PIK3CD: variants seen among roughly 807,000 people sequenced by gnomAD.
PIK3CD encodes phosphatidylinositol-4,5-bisphosphate 3-kinase catalytic subunit delta, also known as phosphatidylinositol 4,5-bisphosphate 3-kinase catalytic subunit delta isoform.
Under a neutral mutation model 122.9 loss-of-function variants are expected in PIK3CD, and 20 were observed. That is an observed-to-expected ratio of 0.16 (90% CI 0.11 to 0.24). The LOEUF (loss-of-function observed/expected upper bound fraction) is 0.24, where lower values mean the gene tolerates loss of function less well. PIK3CD is among the 10% of genes least tolerant of loss of function. The pLI is 1.00. For missense variants in PIK3CD, 787 were observed against 1,406.3 expected (o/e 0.56, Z 7.04); for synonymous variants, 596 against 593.4 (o/e 1.00, Z -0.06).
intron 1 of PIK3CD, chr1:9,680,946 T>C (rs538659745): frequency 2.6e-5 from 4 of 152,310 alleles, no homozygotes; most frequent in African/African-American, 9.6e-5. Flanking sequence ...GAGGCTGCCA[T>C]TGAGCTTTCA....
At chr1:9,714,667 G>C (rs1363558705) in intron 3 of PIK3CD, among the ~76,000 whole-genome samples, 1 of 152,086 alleles carries the variant, frequency 6.6e-6, no homozygotes, top group East Asian at 1.9e-4. Context: ...CCCACTGCTT[G>C]ACAGACCATA....
chr1:9,672,372 G>A (rs1645356799), intron 1 of PIK3CD: 1 of 152,110 alleles, frequency 6.6e-6, no homozygotes, highest in Non-Finnish European at 1.5e-5. Flanking sequence ...ATGTGGATTA[G>A]TACCAAAGAG....
chr1:9,633,107 C>T, the PIK3CD span, among the ~76,000 whole-genome samples: 9 of 152,066 alleles, frequency 5.9e-5, no homozygotes, highest in Non-Finnish European at 1.2e-4. Context: ...GTGATCCGCC[C>T]GCCTCGGCCT....
intron 1 of PIK3CD, chr1:9,672,293 G>A (rs1645353496): frequency 6.6e-6 from 1 of 152,246 alleles, no homozygotes; most frequent in African/African-American, 2.4e-5. Flanking sequence ...TGGGTGCTCT[G>A]GGAAGATGTT....
intron 1 of PIK3CD, among the ~76,000 whole-genome samples, chr1:9,664,336 A>C (rs1645098723): frequency 6.6e-6 from 1 of 152,178 alleles, no homozygotes; most frequent in Admixed American, 6.6e-5. Context: ...GGCGTGAACC[A>C]CTGCACCCAG....
intron 1 of PIK3CD, among the ~76,000 whole-genome samples, chr1:9,668,469 CTTTATT>C (rs1304851729): frequency 3.4e-5 from 5 of 144,990 alleles, no homozygotes; most frequent in East Asian, 2.0e-4. Flanking sequence ...TTGGCAAATA[CTTTATT>C]TTTATTTTTA....
At chr1:9,667,445 C>A (rs538884236) in intron 1 of PIK3CD, among the ~76,000 whole-genome samples, 1 of 151,358 alleles carries the variant, frequency 6.6e-6, no homozygotes, top group Non-Finnish European at 1.5e-5. Context: ...GGCGCAATCT[C>A]GACTCACTGC....
chr1:9,650,648 G>T (rs1393331861), upstream of PIK3CD, among the ~76,000 whole-genome samples: 2 of 151,664 alleles, frequency 1.3e-5, no homozygotes, highest in Non-Finnish European at 2.9e-5. Context: ...AAAAGAAAAA[G>T]AAAGAAAAGA....
At chr1:9,666,087 C>T (rs964381157) in intron 1 of PIK3CD, among the ~76,000 whole-genome samples, 6 of 151,932 alleles carry the variant, frequency 3.9e-5, no homozygotes, top group African/African-American at 1.5e-4. Context: ...CCATCATACC[C>T]TGCTAATTTT....
chr1:9,713,427 TC>T (rs1343780790), intron 3 of PIK3CD, among the ~76,000 whole-genome samples: 2 of 152,156 alleles, frequency 1.3e-5, no homozygotes, highest in Non-Finnish European at 2.9e-5. Context: ...TTACCTCTGA[TC>T]CAGCCATATG....
At chr1:9,659,705 T>TCTCCTG (rs1644957580) in intron 1 of PIK3CD, among the ~76,000 whole-genome samples, 1 of 152,134 alleles carries the variant, frequency 6.6e-6, no homozygotes, top group Non-Finnish European at 1.5e-5. Context: ...GTATCAGAAT[T>TCTCCTG]TCTTTCATTT....
At chr1:9,627,355 C>T in the PIK3CD span, among the ~76,000 whole-genome samples, 11 of 152,246 alleles carry the variant, frequency 7.2e-5, no homozygotes, top group African/African-American at 2.4e-4. Context: ...GAGGTGTGCA[C>T]CTCCACAGCT....
At position 9,689,379 on chromosome 1, in the gene PIK3CD, C is replaced by T. The variant is rs1646099487; in HGVS notation, c.-137-2088C>T. Among the ~76,000 whole-genome samples, 1 of 151,906 alleles carries T rather than the reference C, an allele frequency of 6.6e-6. No homozygotes were observed. Among genetic ancestry groups the T allele is most frequent in the South Asian group, 2.1e-4 (1 of 4,834 alleles). On this transcript the variant is annotated intron_variant, in intron 1 of 23. Coordinates refer to ENST00000377346, the MANE Select transcript of PIK3CD (RefSeq NM_005026.5). The surrounding 1 kb of genome is among the most constrained non-coding windows in gnomAD (Gnocchi z 6.1). ...TTGCAGCGTCCACTCCTCTCTCCGC[C>T]GCCCGTGTGAGCTCGGGCGCTTCTC...
At chr1:9,655,208 G>A (rs1259723918) in intron 1 of PIK3CD, among the ~76,000 whole-genome samples, 1 of 152,128 alleles carries the variant, frequency 6.6e-6, no homozygotes, top group East Asian at 1.9e-4. Flanking sequence ...GACAAGGAAG[G>A]GCCCTATCCA....
At position 9,689,462 on chromosome 1, in the gene PIK3CD, C is replaced by G. The variant is rs998860786; in HGVS notation, c.-137-2005C>G. 1.3e-5 allele frequency among the ~76,000 whole-genome samples: 2 copies of G among 148,618 alleles called. No individual in the cohort carries two copies. Among genetic ancestry groups the G allele is most frequent in the Non-Finnish European group, 3.0e-5 (2 of 66,594 alleles). On this transcript the variant is annotated intron_variant, in intron 1 of 23. Coordinates refer to ENST00000377346, the MANE Select transcript of PIK3CD (RefSeq NM_005026.5). This position sits in a 1 kb window ranked among gnomAD's most constrained non-coding sequence, Gnocchi z 6.1. ...CCCGCGCCGCCGCCGGCCCCGGCCC[C>G]GCCCCAGCCCCGAGGACGCCCCGCC...
At position 9,727,199 on chromosome 1, in the gene PIK3CD, C is replaced by T. The variant is rs1405640258; in HGVS notation, c.*153C>T. 4 of 880,728 alleles carry T rather than the reference C, an allele frequency of 4.5e-6. No individual in the cohort carries two copies. Among genetic ancestry groups the T allele is most frequent in the Non-Finnish European group, 7.3e-6 (4 of 550,806 alleles). The allele number at this position is 880,728 out of a possible 1,614,324, so 54.6% of individuals were successfully genotyped here. On this transcript the variant is annotated 3_prime_UTR_variant, in exon 24 of 24. Transcript: ENST00000377346. Reference sequence around the variant, plus strand: ...GTTTACACTGGTTATTTATTTATGACTTGAAATAGTTTAAGGAGCTAAACA... The same window carrying T: ...GTTTACACTGGTTATTTATTTATGATTTGAAATAGTTTAAGGAGCTAAACA...
chr1:9,705,177 T>C (rs371477038), intron 2 of PIK3CD, among the ~76,000 whole-genome samples: 120 of 152,122 alleles, frequency 7.9e-4, no homozygotes, highest in African/African-American at 2.7e-3. Context: ...CATTAAAAAC[T>C]TCTACTCACC....
At position 9,724,942 on chromosome 1, in the gene PIK3CD, T is replaced by C. The variant is rs1649272172; in HGVS notation, c.2997+6T>C. On this transcript the variant is annotated splice_donor_region_variant and intron_variant, in intron 23 of 23. Transcript: ENST00000377346. This position sits in a 1 kb window ranked among gnomAD's most constrained non-coding sequence, Gnocchi z 7.3. ...AAGACATCCAGTATCTCAAGGTATGTGCCGGGCAGGAGACTGCTGTCGCCA... is the reference window on the plus strand; with the variant it reads ...AAGACATCCAGTATCTCAAGGTATGCGCCGGGCAGGAGACTGCTGTCGCCA... The C allele has an allele frequency of 1.9e-6, 3 of 1,613,514 alleles. No homozygotes were observed. The highest frequency in any genetic ancestry group is 2.5e-6 in the Non-Finnish European group (3 of 1,180,042).
Position 9,691,520 on chromosome 1 carries a change from A to G in PIK3CD, c.-84A>G. On this transcript the variant is annotated 5_prime_UTR_variant, in exon 2 of 24. Coordinates refer to ENST00000377346, the MANE Select transcript of PIK3CD (RefSeq NM_005026.5). ...ACTCATTGATTCTAAAGCATCTTTA[A>G]TCTGCCAGGCGGAGGGGGCTTTGCT... 2.5e-6 allele frequency: 1 copy of G among 398,624 alleles called. No homozygotes were observed. The highest frequency in any genetic ancestry group is 4.4e-6 in the Non-Finnish European group (1 of 226,106). The allele number at this position is 398,624 out of a possible 1,614,324, so 24.7% of individuals were successfully genotyped here.
Sources: gnomAD v4.1 joint callset for allele counts (sites outside exome capture counted in the v4.1 genomes callset) on GRCh38, gnomAD v4.1.1 for gene constraint, Gnocchi (gnomAD v3.1) non-coding constraint, MANE v1.5 for transcripts, NCBI Gene and HGNC (gene_info 2026-07-23, HGNC 2026-07-21) for gene names.